The following FOXA1 variants were observed in gnomAD, a reference collection of about 807,000 sequenced individuals.
The protein encoded by FOXA1 is forkhead box A1.
Under a neutral mutation model 29.2 loss-of-function variants are expected in FOXA1, and 9 were observed. That is an observed-to-expected ratio of 0.31 (90% confidence interval 0.19 to 0.54). The LOEUF (loss-of-function observed/expected upper bound fraction) is 0.54, where lower values mean the gene tolerates loss of function less well. FOXA1 is among the 20% of genes least tolerant of loss of function. The pLI is 0.95. For missense variants in FOXA1, 644 were observed against 681.2 expected (o/e 0.95, Z 0.61); for synonymous variants, 340 against 300.9 (o/e 1.13, Z -1.34).
At chr14:37,594,572 G>T in intron 1 of FOXA1, 1 of 209,862 alleles carries the variant, frequency 4.8e-6, no homozygotes, top group Non-Finnish European at 8.6e-6. Flanking sequence ...ACCGGCGCTC[G>T]CCCGCCCGCT....
In FOXA1 at chr14:37,591,352, C is replaced by G; in HGVS notation, c.*13G>C. On this transcript the variant is annotated 3_prime_UTR_variant, in exon 2 of 2. Coordinates refer to ENST00000250448, the MANE Select transcript of FOXA1 (RefSeq NM_004496.5). ...AGCATGGCTATGCCAGACAAACCCC[C>G]CAGTCCCGGGAGCTAGGAAGTGTTT... is the stretch of plus-strand genomic sequence containing the variant. The G allele has an allele frequency of 1.9e-6, 3 of 1,612,292 alleles. No individual in the cohort carries two copies. Among genetic ancestry groups the G allele is most frequent in the Non-Finnish European group, 8.5e-7 (1 of 1,180,022 alleles).
In FOXA1 at chr14:37,592,454, C is replaced by A. The variant is rs746668446; in HGVS notation, c.330G>T (p.Pro110=). 6.2e-7 allele frequency: 1 copy of A among 1,604,062 alleles called. No homozygotes were observed. Among genetic ancestry groups the A allele is most frequent in the African/African-American group, 1.3e-5 (1 of 74,866 alleles). ...GVTAMGTALS[P]SGMGAMGAQQ... ...GCGCACCCATGGCGCCCATGCCGCT[C>A]GGGCTCAGCGCCGTACCCATGGCCG... Residue 110 remains proline, a synonymous_variant, in exon 2 of 2, where the codon CCG becomes CCT. Coordinates refer to ENST00000250448, the MANE Select transcript of FOXA1 (RefSeq NM_004496.5).
In FOXA1 at chr14:37,595,104, G is replaced by A. The variant is rs1298692183; in HGVS notation, c.-132C>T. ...CGCCCGCGCGGGCCCAACGCCACCCGGGCGAAGAGGAAGCCCAGAGCTGCG... is the reference window on the plus strand; with the variant it reads ...CGCCCGCGCGGGCCCAACGCCACCCAGGCGAAGAGGAAGCCCAGAGCTGCG... On this transcript the variant is annotated 5_prime_UTR_variant, in exon 1 of 2. Coordinates refer to ENST00000250448, the MANE Select transcript of FOXA1 (RefSeq NM_004496.5). 1.1e-5 allele frequency: 6 copies of A among 567,546 alleles called. No homozygotes were observed. The highest frequency in any genetic ancestry group is 1.0e-4 in the African/African-American group (5 of 49,246). 35.2% of individuals were successfully genotyped at this position (567,546 alleles called of 1,614,324 possible).
intron 1 of FOXA1, among the ~76,000 whole-genome samples, chr14:37,593,123 T>C (rs2095597852): frequency 6.6e-6 from 1 of 152,188 alleles, no homozygotes; most frequent in Non-Finnish European, 1.5e-5. Context: ...CCTATGGACA[T>C]GGGACCCCCT....
Position 37,591,683 on chromosome 14 carries a change from C to T in FOXA1, c.1101G>A (p.Leu367=). Residue 367 remains leucine, a synonymous_variant, in exon 2 of 2, where the codon CTG becomes CTA. Transcript: ENST00000250448. ...APPISSGPGA[L]ASVPASHPAH... The stretch of plus-strand genomic sequence containing the variant: ...CCGGGTGAGAGGCGGGCACAGAGGC[C>T]AGCGCCCCGGGCCCGGAGCTTATGG... 1.9e-6 allele frequency: 3 copies of T among 1,587,212 alleles called. No homozygotes were observed. The highest frequency in any genetic ancestry group is 1.1e-5 in the South Asian group (1 of 87,980).
At chr14:37,592,930 A>C (rs956563947) in intron 1 of FOXA1, among the ~76,000 whole-genome samples, 31 of 152,204 alleles carry the variant, frequency 2.0e-4, no homozygotes, top group African/African-American at 7.2e-4. Context: ...CATGAAAGAT[A>C]AACGCTCACA....
chr14:37,592,796 G>C (rs1275259047), intron 1 of FOXA1, 85 bp from the exon 2 acceptor site: 2 of 1,537,384 alleles, frequency 1.3e-6, no homozygotes, highest in Non-Finnish European at 1.8e-6. Flanking sequence ...GACCTAACCC[G>C]GGGGCAAGTG....
intron 1 of FOXA1, 127 bp downstream of exon 1, chr14:37,594,774 G>C (rs2095600404): frequency 3.9e-6 from 2 of 516,336 alleles, no homozygotes; most frequent in Non-Finnish European, 5.5e-6. Context: ...CGGGCGGGCA[G>C]CGGTGGCACC....
intron 1 of FOXA1, chr14:37,594,250 A>T: frequency 7.9e-7 from 1 of 1,268,080 alleles, no homozygotes; most frequent in Non-Finnish European, 1.0e-6. Context: ...CCTTTTGTGC[A>T]CATTGTAAAA....
In FOXA1 at chr14:37,595,050, G is replaced by A. The variant is rs1474580348; in HGVS notation, c.-78C>T. The A allele has an allele frequency of 1.0e-5, 14 of 1,376,960 alleles. No individual in the cohort carries two copies. Among genetic ancestry groups the A allele is most frequent in the South Asian group, 6.4e-5 (5 of 78,730 alleles). The allele number at this position is 1,376,960 out of a possible 1,614,324, so 85.3% of individuals were successfully genotyped here. On this transcript the variant is annotated 5_prime_UTR_variant, in exon 1 of 2. Transcript: ENST00000250448. ...CGGCCGCGCGGCGCGGGGCGGGGGAGGGGAGCTGAGCAGCTGCAGTCACCC... is the reference window on the plus strand; with the variant it reads ...CGGCCGCGCGGCGCGGGGCGGGGGAAGGGAGCTGAGCAGCTGCAGTCACCC...
intron 1 of FOXA1, 103 bp from the exon 2 acceptor site, chr14:37,592,814 CT>C: frequency 7.0e-7 from 1 of 1,422,564 alleles, no homozygotes; most frequent in Non-Finnish European, 9.8e-7. Context: ...GTGCAGAGCA[CT>C]TTGCAGAACA....
Position 37,591,792 on chromosome 14 carries a change from C to A in FOXA1, c.992G>T (p.Ser331Ile), listed in dbSNP as rs2139180796. 6.8e-7 allele frequency: 1 copy of A among 1,469,636 alleles called. No homozygotes were observed. Among genetic ancestry groups the A allele is most frequent in the Admixed American group, 2.6e-5 (1 of 38,744 alleles). 91.0% of individuals were successfully genotyped at this position (1,469,636 alleles called of 1,614,324 possible). ...EGAPAPGPAA[S>I]PQTLDHSGAT... is the part of the protein sequence containing the mutation. ...CCCACTGTGGTCCAGAGTCTGGGGG[C>A]TGGCGGCGGGCCCGGGGGCCGGCGC... Residue 331 changes from serine (S) to isoleucine (I), a missense_variant, in exon 2 of 2, where the codon AGC becomes ATC. This residue lies in a region of FOXA1 where 295 missense variants were observed against 294.4 expected (regional missense o/e 1.00). Coordinates refer to ENST00000250448, the MANE Select transcript of FOXA1 (RefSeq NM_004496.5).
At chr14:37,594,313 G>C (rs1439973727) in intron 1 of FOXA1, 4 of 1,141,746 alleles carry the variant, frequency 3.5e-6, no homozygotes, top group East Asian at 7.3e-5. Flanking sequence ...ACAGGTTCTC[G>C]GCCCAGAGTT....
Position 37,595,031 on chromosome 14 carries a change from C to T in FOXA1, c.-59G>A. On this transcript the variant is annotated 5_prime_UTR_variant, in exon 1 of 2. Transcript: ENST00000250448. ...CCCTGTGCGAAGCGACGGGCGGCCG[C>T]GCGGCGCGGGGCGGGGGAGGGGAGC... 1 of 1,487,962 alleles carries T rather than the reference C, an allele frequency of 6.7e-7. No homozygotes were observed. Among genetic ancestry groups the T allele is most frequent in the Non-Finnish European group, 9.1e-7 (1 of 1,096,454 alleles). The allele number at this position is 1,487,962 out of a possible 1,614,324, so 92.2% of individuals were successfully genotyped here.
At position 37,595,082 on chromosome 14, in the gene FOXA1, C is replaced by T; in HGVS notation, c.-110G>A. ...TGAGCAGCTGCAGTCACCCGAGCGC[C>T]CGCGCGGGCCCAACGCCACCCGGGC... On this transcript the variant is annotated 5_prime_UTR_variant, in exon 1 of 2. Coordinates refer to ENST00000250448, the MANE Select transcript of FOXA1 (RefSeq NM_004496.5). The T allele has an allele frequency of 2.3e-6, 2 of 873,276 alleles. 1 individual carries two copies. The highest frequency in any genetic ancestry group is 4.0e-5 in the South Asian group (2 of 50,626). 54.1% of individuals were successfully genotyped at this position (873,276 alleles called of 1,614,324 possible). A position where few individuals can be genotyped will look rare whatever the true frequency, so the allele number is the denominator to read the frequency against.
rs1482089073 is a variant in FOXA1, at chr14:37,592,526, C to G, written c.258G>C (p.Pro86=). 7.4e-6 allele frequency: 12 copies of G among 1,613,306 alleles called. No homozygotes were observed. The highest frequency in any genetic ancestry group is 1.1e-5 in the South Asian group (1 of 91,064). Residue 86 remains proline (P), a synonymous_variant, in exon 2 of 2, where the codon CCG becomes CCC. Transcript: ENST00000250448. The part of the protein sequence containing the change: ...GLSPGAVAGM[P]GGSAGAMNSM... Reference sequence around the variant, plus strand: ...TGTTCATGGCGCCCGCCGAGCCCCCCGGCATGCCGGCTACTGCGCCGGGAC... The same window carrying G: ...TGTTCATGGCGCCCGCCGAGCCCCCGGGCATGCCGGCTACTGCGCCGGGAC...
Position 37,592,630 on chromosome 14 carries a change from T to C in FOXA1, c.154A>G (p.Thr52Ala). 1.2e-6 allele frequency: 2 copies of C among 1,614,156 alleles called. No homozygotes were observed. Among genetic ancestry groups the C allele is most frequent in the South Asian group, 1.1e-5 (1 of 91,092 alleles). The part of the protein sequence containing the change: ...NSMNTYMTMN[T>A]MTTSGNMTPA... ...GTCATGTTGCCGCTCGTAGTCATGG[T>C]GTTCATGGTCATGTAGGTGTTCATG... Residue 52 changes from threonine to alanine, a missense_variant, in exon 2 of 2, where the codon ACC becomes GCC. Around this residue, in one of 5 missense-constraint regions of FOXA1, gnomAD observed 309 missense variants for 307.0 expected, o/e 1.01. Coordinates refer to ENST00000250448, the MANE Select transcript of FOXA1 (RefSeq NM_004496.5).
rs944578235 is a variant in FOXA1, at chr14:37,591,830, G to A, written c.954C>T (p.Gly318=). Residue 318 remains glycine (G), a synonymous_variant, in exon 2 of 2, where the codon GGC becomes GGT. Coordinates refer to ENST00000250448, the MANE Select transcript of FOXA1 (RefSeq NM_004496.5). ...PLHRGVHGKT[G]QLEGAPAPGP... ...CGGGGGCCGGCGCGCCCTCTAGCTG[G>A]CCGGTCTTCCCGTGCACACCCCGAT... 20 of 1,456,386 alleles carry A rather than the reference G, an allele frequency of 1.4e-5. No individual in the cohort carries two copies. The highest frequency in any genetic ancestry group is 1.8e-5 in the Non-Finnish European group (20 of 1,109,172). The allele number at this position is 1,456,386 out of a possible 1,614,324, so 90.2% of individuals were successfully genotyped here.
In FOXA1 at chr14:37,591,311, T is replaced by C; in HGVS notation, c.*54A>G. On this transcript the variant is annotated 3_prime_UTR_variant, in exon 2 of 2. Transcript: ENST00000250448. ...GTGTGGTTTTGTTTGCTGTTGATTT[T>C]TTCTCTCTTGCTACCAGCATGGCTA... The C allele has an allele frequency of 1.2e-6, 2 of 1,604,122 alleles. No homozygotes were observed. Among genetic ancestry groups the C allele is most frequent in the South Asian group, 1.1e-5 (1 of 90,720 alleles).
Sources: allele counts gnomAD v4.1 joint callset (sites outside exome capture counted in the v4.1 genomes callset), GRCh38; gene constraint gnomAD v4.1.1; regional missense constraint gnomAD v4.1.1; transcripts MANE v1.5; gene names NCBI Gene and HGNC (gene_info 2026-07-23, HGNC 2026-07-21).